Variants in XRN2 observed in about 807,000 individuals in gnomAD.
XRN2 encodes DHM1-like protein.
In XRN2, 44 loss-of-function variants were observed where a neutral mutation model predicts 138.5. The ratio of observed to expected loss-of-function variants is 0.32; its 90% CI spans 0.25 to 0.41. XRN2 has a LOEUF of 0.41. Ranked by LOEUF, XRN2 falls within the 10% of genes least tolerant of loss-of-function variation. The probability of loss-of-function intolerance (pLI) is 1.00; values close to 1 mark genes in which losing one functional copy is unlikely to be tolerated. For missense variants in XRN2, 937 were observed against 1,169.3 expected (o/e 0.80, Z 2.90); for synonymous variants, 354 against 369.4 (o/e 0.96, Z 0.48).
At chr20:21,330,401 G>T in intron 4 of XRN2, 80 bp from the exon 5 acceptor site, 2 of 1,460,464 alleles carry the variant, frequency 1.4e-6, no homozygotes, top group African/African-American at 1.4e-5. Flanking sequence ...GGAACTTTTT[G>T]TTTTTGTTGT....
At chr20:21,310,352 A>G (rs188113652) in intron 1 of XRN2, among the ~76,000 whole-genome samples, 2 of 152,336 alleles carry the variant, frequency 1.3e-5, no homozygotes, top group Non-Finnish European at 2.9e-5. Flanking sequence ...TATGGTCTCT[A>G]TAAATGTTTT....
intron 28 of XRN2, among the ~76,000 whole-genome samples, chr20:21,382,393 CA>C (rs2038895530): frequency 6.6e-6 from 1 of 152,172 alleles, no homozygotes. Flanking sequence ...CTTAATGAGG[CA>C]TAACTAATGG....
intron 13 of XRN2, among the ~76,000 whole-genome samples, chr20:21,338,000 C>T (rs925290615): frequency 6.6e-6 from 1 of 152,194 alleles, no homozygotes; most frequent in Non-Finnish European, 1.5e-5. Context: ...GTGGTTTCTA[C>T]ATCAGAGGAG....
intron 1 of XRN2, among the ~76,000 whole-genome samples, chr20:21,311,545 T>C (rs1165339167): frequency 6.6e-6 from 1 of 152,204 alleles, no homozygotes; most frequent in Non-Finnish European, 1.5e-5. Context: ...CAAGTATCTT[T>C]TTTAGTCCCT....
chr20:21,327,580 A>G (rs902470326), intron 3 of XRN2, among the ~76,000 whole-genome samples: 1 of 152,230 alleles, frequency 6.6e-6, no homozygotes, highest in African/African-American at 2.4e-5. Flanking sequence ...TGTTTAGAGC[A>G]CATTTCAGTT....
intron 1 of XRN2, among the ~76,000 whole-genome samples, chr20:21,304,163 A>T (rs955188290): frequency 4.6e-5 from 7 of 152,144 alleles, no homozygotes; most frequent in African/African-American, 1.7e-4. Flanking sequence ...GTTGTTAGTT[A>T]ATACGTAAGT....
intron 21 of XRN2, among the ~76,000 whole-genome samples, chr20:21,355,824 ATCTTT>A (rs2038569486): frequency 6.6e-6 from 1 of 152,134 alleles, no homozygotes; most frequent in Non-Finnish European, 1.5e-5. Flanking sequence ...CCTCACATTT[ATCTTT>A]TCTTTGTGTT....
intron 16 of XRN2, among the ~76,000 whole-genome samples, chr20:21,345,965 C>G (rs1202535727): frequency 5.3e-5 from 8 of 152,088 alleles, no homozygotes; most frequent in Admixed American, 2.6e-4. Flanking sequence ...AAAAAGTTAC[C>G]TGTGTGCGTC....
rs766887455 is a variant in XRN2, at chr20:21,330,540, G to A, written c.486+1G>A. On this transcript the variant is annotated splice_donor_variant, in intron 5 of 29. Coordinates refer to ENST00000377191, the MANE Select transcript of XRN2 (RefSeq NM_012255.5). LOFTEE classifies it high-confidence loss of function. ...ATTTGACAGCAACTGTATTACACCA[G>A]TAAGTAGTCTCATACTTTGCTAGCT... 1.9e-6 allele frequency: 3 copies of A among 1,613,832 alleles called. No homozygotes were observed. The highest frequency in any genetic ancestry group is 8.5e-7 in the Non-Finnish European group (1 of 1,179,942).
chr20:21,358,703 G>C (rs183534516), intron 24 of XRN2, among the ~76,000 whole-genome samples: 2 of 152,182 alleles, frequency 1.3e-5, no homozygotes, highest in South Asian at 2.1e-4. Flanking sequence ...TTTATTTAAA[G>C]AAAACTACTG....
In XRN2 at chr20:21,303,470, G is replaced by C. The variant is rs1035820619; in HGVS notation, c.72G>C (p.Glu24Asp). The change falls in exon 1 of 30, where the codon GAG becomes GAC. Residue 24 changes from glutamate (E) to aspartate (D), a missense_variant. Glu to Asp is a conservative substitution (Grantham distance 45). Around this residue, in one of 6 missense-constraint regions of XRN2, gnomAD observed 32 missense variants for 32.9 expected, o/e 0.97. Transcript: ENST00000377191. ...YPSIIVNCVE[E>D]KPKECNGVKI... ...CCATCATAGTCAACTGCGTGGAAGA[G>C]AAGGTGAGGAGGCGCCAGGCGGCCG... 2 of 1,542,454 alleles carry C rather than the reference G, an allele frequency of 1.3e-6. No individual in the cohort carries two copies. The highest frequency in any genetic ancestry group is 2.8e-5 in the African/African-American group (2 of 71,510).
rs2038727143 is a variant in XRN2 at position 21,368,452 on chromosome 20, T to G, written c.2457-11T>G. On this transcript the variant is annotated splice_polypyrimidine_tract_variant and intron_variant, in intron 26 of 29. Transcript: ENST00000377191. ...TACAATTTTTTTTTCTTGTGTTGGG[T>G]CCTTTTATAGCCATGTGATGCCAAG... 1 of 1,613,092 alleles carries G rather than the reference T, an allele frequency of 6.2e-7. No homozygotes were observed. The highest frequency in any genetic ancestry group is 1.3e-5 in the African/African-American group (1 of 74,838).
chr20:21,310,725 C>CT (rs559486147), intron 1 of XRN2, among the ~76,000 whole-genome samples: 1 of 151,358 alleles, frequency 6.6e-6, no homozygotes, highest in Non-Finnish European at 1.5e-5. Context: ...TTGGGTCTGG[C>CT]TTTTTTTTAT....
At chr20:21,322,843 G>A (rs2038064876) in intron 1 of XRN2, among the ~76,000 whole-genome samples, 3 of 152,216 alleles carry the variant, frequency 2.0e-5, no homozygotes, top group African/African-American at 7.2e-5. Flanking sequence ...ATGAAGTCAC[G>A]AAGGAGCAGG....
chr20:21,322,601 G>C (rs1372806858), intron 1 of XRN2, among the ~76,000 whole-genome samples: 2 of 152,176 alleles, frequency 1.3e-5, no homozygotes, highest in Non-Finnish European at 2.9e-5. Flanking sequence ...TGAGCTATTG[G>C]TGGTGGTTTC....
intron 1 of XRN2, among the ~76,000 whole-genome samples, chr20:21,316,433 G>T (rs969584664): frequency 6.6e-6 from 1 of 152,076 alleles, no homozygotes; most frequent in Non-Finnish European, 1.5e-5. Context: ...CTTAAATGTA[G>T]GTTCATGATC....
At chr20:21,375,592 T>C (rs1319343474) in intron 27 of XRN2, among the ~76,000 whole-genome samples, 1 of 151,792 alleles carries the variant, frequency 6.6e-6, no homozygotes, top group African/African-American at 2.4e-5. Context: ...TTTTTTTTAA[T>C]TTATAGGGCT....
chr20:21,340,009 ATAT>A (rs915579744), intron 14 of XRN2, among the ~76,000 whole-genome samples: 6 of 152,166 alleles, frequency 3.9e-5, no homozygotes, highest in Admixed American at 2.6e-4. Flanking sequence ...TTCTACTTAT[ATAT>A]TATTATTTTT....
intron 24 of XRN2, 97 bp from the exon 25 acceptor site, chr20:21,365,323 AT>A: frequency 8.6e-7 from 1 of 1,163,110 alleles, no homozygotes; most frequent in African/African-American, 1.6e-5. Flanking sequence ...AACTAAAATA[AT>A]TTTTGGAGAG....
Sources: allele counts gnomAD v4.1 joint callset (sites outside exome capture counted in the v4.1 genomes callset), GRCh38; gene constraint gnomAD v4.1.1; regional missense constraint gnomAD v4.1.1; transcripts MANE v1.5; gene names NCBI Gene and HGNC (gene_info 2026-07-23, HGNC 2026-07-21).